Variants in ZNF236 observed in about 807,000 individuals in gnomAD.
ZNF236 encodes the protein zinc finger protein 236.
ZNF236 carries 50 observed loss-of-function variants against 191.2 expected under a neutral mutation model. The ratio of observed to expected loss-of-function variants is 0.26; its 90% CI spans 0.21 to 0.33. The LOEUF (loss-of-function observed/expected upper bound fraction) is 0.33. ZNF236 is among the 10% of genes least tolerant of loss of function. The pLI, the probability that ZNF236 is intolerant of heterozygous loss-of-function variation, is 1.00. For missense variants in ZNF236, 1,754 were observed against 2,374.5 expected, an observed-to-expected ratio of 0.74 and a Z score of 5.43; for synonymous variants, 907 against 928.8, an observed-to-expected ratio of 0.98 and a Z score of 0.43.
intron 27 of ZNF236, among the ~76,000 whole-genome samples, chr18:76,955,221 A>G (rs1015927565): frequency 6.6e-6 from 1 of 152,156 alleles, no homozygotes; most frequent in Non-Finnish European, 1.5e-5. Flanking sequence ...CAACCTAGGC[A>G]ACATAGGGAG....
chr18:76,900,676 CA>C (rs945016736), intron 11 of ZNF236, among the ~76,000 whole-genome samples: 3 of 152,010 alleles, frequency 2.0e-5, no homozygotes, highest in African/African-American at 7.2e-5. Flanking sequence ...TTGGATGGAC[CA>C]AAGCCGTCCT....
intron 9 of ZNF236, among the ~76,000 whole-genome samples, chr18:76,893,632 T>C (rs925238817): frequency 6.6e-6 from 1 of 152,174 alleles, no homozygotes; most frequent in African/African-American, 2.4e-5. Flanking sequence ...CTCAGCCTCC[T>C]GAGTAGCTGG....
chr18:76,824,413 A>G (rs760090808), intron 1 of ZNF236: 2 of 781,072 alleles, frequency 2.6e-6, no homozygotes, highest in Admixed American at 3.4e-5. Flanking sequence ...CCAGGTATGC[A>G]GATTTGTAGT....
chr18:76,883,291 G>A (rs778536348), intron 9 of ZNF236, among the ~76,000 whole-genome samples: 2 of 150,708 alleles, frequency 1.3e-5, no homozygotes, highest in Non-Finnish European at 2.9e-5. Flanking sequence ...GTAGAGTACT[G>A]AGCAAGTGCA....
intron 27 of ZNF236, among the ~76,000 whole-genome samples, chr18:76,952,814 C>CA (rs1367688778): frequency 2.6e-5 from 4 of 151,964 alleles, no homozygotes; most frequent in Admixed American, 6.6e-5. Context: ...TCAAAGAAAA[C>CA]AAAAAAACAA....
At chr18:76,850,688 C>T (rs1975832101) in intron 2 of ZNF236, among the ~76,000 whole-genome samples, 1 of 152,000 alleles carries the variant, frequency 6.6e-6, no homozygotes, top group Non-Finnish European at 1.5e-5. Flanking sequence ...CTGCAACCTC[C>T]TTCTCCCAGG....
At chr18:76,835,449 A>T (rs1259165032) in intron 1 of ZNF236, among the ~76,000 whole-genome samples, 1 of 152,154 alleles carries the variant, frequency 6.6e-6, no homozygotes, top group African/African-American at 2.4e-5. Flanking sequence ...TTCTTCTGTC[A>T]ATCTTTATAT....
intron 11 of ZNF236, among the ~76,000 whole-genome samples, chr18:76,903,074 A>AG (rs1977644988): frequency 6.6e-6 from 1 of 152,228 alleles, no homozygotes. Context: ...TTATATCACA[A>AG]GGGAGGGTTC....
Position 76,910,753 on chromosome 18 carries a change from C to T in ZNF236, c.2747C>T (p.Ser916Phe). ...AGCACACTTGAGTCTCAGGCCCTCTCCACAAGCTTCCACCAGCAGAGCTTG... is the reference window on the plus strand; with the variant it reads ...AGCACACTTGAGTCTCAGGCCCTCTTCACAAGCTTCCACCAGCAGAGCTTG... ...DSSTLESQALSTSFHQQSLLQ... is the reference protein window; with the variant it reads ...DSSTLESQALFTSFHQQSLLQ... The change falls in exon 16 of 31, where the codon TCC becomes TTC. Residue 916 changes from serine to phenylalanine, a missense_variant. By Grantham distance (155) the Ser-to-Phe change is radical (BLOSUM62 -2). Coordinates refer to ENST00000320610, the MANE Select transcript of ZNF236 (RefSeq NM_001306089.2). 6.2e-7 allele frequency: 1 copy of T among 1,614,220 alleles called. No individual in the cohort carries two copies. Among genetic ancestry groups the T allele is most frequent in the Non-Finnish European group, 8.5e-7 (1 of 1,180,052 alleles).
chr18:76,968,985 G>A lies in ZNF236; in HGVS notation c.*646G>A, dbSNP rs1837528853. 1 of 985,876 alleles carries A rather than the reference G, an allele frequency of 1.0e-6. No homozygotes were observed. 61.1% of individuals were successfully genotyped at this position (985,876 alleles called of 1,614,324 possible). ...TGCAGTATCTGGGGCGTCAACATGGGGACTCGAGTAAACCTGACCCACCAA... is the reference window on the plus strand; with the variant it reads ...TGCAGTATCTGGGGCGTCAACATGGAGACTCGAGTAAACCTGACCCACCAA... On this transcript the variant is annotated 3_prime_UTR_variant, in exon 31 of 31. Coordinates refer to ENST00000320610, the MANE Select transcript of ZNF236 (RefSeq NM_001306089.2).
In ZNF236 at chr18:76,892,009, G is replaced by A. The variant is rs74599176; in HGVS notation, c.1418-3004G>A. On this transcript the variant is annotated intron_variant, in intron 9 of 30. Transcript: ENST00000320610. ...TTCTGCTAAAGTTCCAAAAACTTTA[G>A]TTCCAAAAAACAATCTTATTGGTAT... 5.3e-3 allele frequency among the ~76,000 whole-genome samples: 806 copies of A among 152,026 alleles called. 7 individuals carry two copies. Among genetic ancestry groups the A allele is most frequent in the African/African-American group, 0.019 (770 of 41,488 alleles).
Position 76,960,566 on chromosome 18 carries a change from A to C in ZNF236, c.5243-113A>C. Reference sequence around the variant, plus strand: ...TTTGTTCAGATGACAGCCAGGCTGAAAGCCTAAAAGAAAAGAGGAACATTC... The same window carrying C: ...TTTGTTCAGATGACAGCCAGGCTGACAGCCTAAAAGAAAAGAGGAACATTC... On this transcript the variant is annotated intron_variant, in intron 29 of 30. Coordinates refer to ENST00000320610, the MANE Select transcript of ZNF236 (RefSeq NM_001306089.2). The surrounding 1 kb of genome is among the most constrained non-coding windows in gnomAD (Gnocchi z 4.4). The C allele has an allele frequency of 7.4e-7, 1 of 1,352,990 alleles. No individual in the cohort carries two copies. Among genetic ancestry groups the C allele is most frequent in the Non-Finnish European group, 1.0e-6 (1 of 962,788 alleles). 83.8% of individuals were successfully genotyped at this position (1,352,990 alleles called of 1,614,324 possible).
rs192445411 is a variant in ZNF236, at chr18:76,968,262, C to T, written c.5467C>T (p.Leu1823=). The T allele has an allele frequency of 3.9e-4, 636 of 1,611,734 alleles. 3 individuals are homozygous for T. In the African/African-American group the frequency reaches 7.5e-3, roughly 19 times the overall value. ...AGHPEQDGEE[L]SRTLHLEEVV... ...TCACCCGGAGCAGGACGGGGAGGAG[C>T]TGAGCCGGACCCTCCACCTGGAGGA... is the stretch of plus-strand genomic sequence containing the variant. The change falls in exon 31 of 31, where the codon CTG becomes TTG. Residue 1823 remains leucine (L), a synonymous_variant. Coordinates refer to ENST00000320610, the MANE Select transcript of ZNF236 (RefSeq NM_001306089.2).
intron 26 of ZNF236, among the ~76,000 whole-genome samples, chr18:76,941,395 A>G (rs1968129851): frequency 6.6e-6 from 1 of 152,188 alleles, no homozygotes. Context: ...GACAAACTCC[A>G]TCAGCTGCCC....
Position 76,868,778 on chromosome 18 carries a change from C to G in ZNF236, c.457C>G (p.Arg153Gly). The change falls in exon 4 of 31, where the codon CGG (arginine) becomes GGG (glycine). Residue 153 changes from arginine (R) to glycine (G), a missense_variant. Physicochemically the swap from Arg to Gly is moderately radical, Grantham distance 125. Coordinates refer to ENST00000320610, the MANE Select transcript of ZNF236 (RefSeq NM_001306089.2). ...GCACCGCCAGGAGCTGGCTGGAACC[C>G]GGCAGCATGCCTGCAAGGCCTGCAA... ...EEHRQELAGT[R>G]QHACKACKKE... 2 of 1,613,914 alleles carry G rather than the reference C, an allele frequency of 1.2e-6. No individual in the cohort carries two copies. The highest frequency in any genetic ancestry group is 1.7e-6 in the Non-Finnish European group (2 of 1,179,932).
At chr18:76,881,164 T>C (rs760517470) in intron 8 of ZNF236, 120 bp from the exon 9 acceptor site, 19 of 870,852 alleles carry the variant, frequency 2.2e-5, no homozygotes, top group Non-Finnish European at 3.1e-5. Context: ...TGACTTGGAA[T>C]TGTAGATTCT....
chr18:76,898,395 G>T (rs1386992596), intron 10 of ZNF236, among the ~76,000 whole-genome samples: 2 of 152,192 alleles, frequency 1.3e-5, no homozygotes, highest in Non-Finnish European at 2.9e-5. Flanking sequence ...CTGACAATGT[G>T]GATGAGTATT....
intron 13 of ZNF236, among the ~76,000 whole-genome samples, chr18:76,907,628 G>T (rs1027117850): frequency 1.3e-5 from 2 of 152,056 alleles, no homozygotes; most frequent in Non-Finnish European, 2.9e-5. Context: ...GCGCCTGGCC[G>T]GCTCTTTGTC....
chr18:76,941,266 G>A (rs1435602434), intron 26 of ZNF236, among the ~76,000 whole-genome samples: 3 of 152,132 alleles, frequency 2.0e-5, no homozygotes, highest in Admixed American at 2.0e-4. Context: ...GGCCCATTTC[G>A]GGGCCTGCTG....
Sources: allele counts gnomAD v4.1 joint callset (sites outside exome capture counted in the v4.1 genomes callset), GRCh38; gene constraint gnomAD v4.1.1; non-coding constraint Gnocchi (gnomAD v3.1); transcripts MANE v1.5; gene names NCBI Gene and HGNC (gene_info 2026-07-23, HGNC 2026-07-21).